The following ABCB6 variants were observed in gnomAD, a reference collection of about 807,000 sequenced individuals.
The protein encoded by ABCB6 is ATP-binding cassette sub-family B member 6.
A neutral mutation model predicts 99.4 loss-of-function variants in ABCB6; 87 were observed. That is an observed-to-expected ratio of 0.88 (90% CI 0.74 to 1.05). The LOEUF (loss-of-function observed/expected upper bound fraction) is 1.05. ABCB6 is among the 50% of genes least tolerant of loss of function. ABCB6 has a pLI of 0.00. For missense variants in ABCB6, 1,050 were observed against 1,097.9 expected, an observed-to-expected ratio of 0.96 and a Z score of 0.62; for synonymous variants, 482 against 447.5, an observed-to-expected ratio of 1.08 and a Z score of -0.97.
Position 219,217,768 on chromosome 2 carries a change from CAG to C in ABCB6, c.587_588del (p.Ser196TrpfsTer24), listed in dbSNP as rs1950662043. 6.2e-7 allele frequency: 1 copy of C among 1,613,948 alleles called. No individual in the cohort carries two copies. The highest frequency in any genetic ancestry group is 1.7e-5 in the Admixed American group (1 of 59,984). On this transcript the variant is annotated frameshift_variant, in exon 2 of 19. Coordinates refer to ENST00000265316, the MANE Select transcript of ABCB6 (RefSeq NM_005689.4). LOFTEE classifies it high-confidence loss of function. ...CAGAGACCCAGGACAAACAGCCCTC[CAG>C]AGACCACATACCGCAGCACCCACAG... ...FSLWVLRYVVSGGLFVLGLWA... is the reference protein window; with the variant it reads ...FSLWVLRYVVXGGLFVLGLWA...
At chr2:219,215,856 A>T in intron 5 of ABCB6, 141 bp downstream of exon 5, 1 of 874,148 alleles carries the variant, frequency 1.1e-6, no homozygotes, top group Non-Finnish European at 1.6e-6. Context: ...GAGAGCATGT[A>T]TACAATAATC....
At position 219,218,759 on chromosome 2, in the gene ABCB6, G is replaced by A; in HGVS notation, c.-86C>T. On this transcript the variant is annotated 5_prime_UTR_variant, in exon 1 of 19. Coordinates refer to ENST00000265316, the MANE Select transcript of ABCB6 (RefSeq NM_005689.4). ...CACTCGGAGAGGGGCGCGGACATCCGGGTGCCTTGGCTCACGTAGCCGCTG... is the reference window on the plus strand; with the variant it reads ...CACTCGGAGAGGGGCGCGGACATCCAGGTGCCTTGGCTCACGTAGCCGCTG... 2 of 1,403,974 alleles carry A rather than the reference G, an allele frequency of 1.4e-6. No homozygotes were observed. Among genetic ancestry groups the A allele is most frequent in the Non-Finnish European group, 1.9e-6 (2 of 1,063,082 alleles). The allele number at this position is 1,403,974 out of a possible 1,614,324, so 87.0% of individuals were successfully genotyped here.
In ABCB6 at chr2:219,216,268, T is replaced by A. The variant is rs555580172; in HGVS notation, c.971-88A>T. 3 of 1,581,098 alleles carry A rather than the reference T, an allele frequency of 1.9e-6. No homozygotes were observed. The highest frequency in any genetic ancestry group is 4.5e-5 in the East Asian group (2 of 44,050). On this transcript the variant is annotated intron_variant, in intron 4 of 18. Transcript: ENST00000265316. This position sits in a 1 kb window ranked among gnomAD's most constrained non-coding sequence, Gnocchi z 4.2. Reference sequence around the variant, plus strand: ...AGGATGTGAAAGGTCTGAGAGTACATGGGGGCTGGGGAGGAATGCTGGGAG... The same window carrying A: ...AGGATGTGAAAGGTCTGAGAGTACAAGGGGGCTGGGGAGGAATGCTGGGAG...
chr2:219,215,961 C>T, intron 5 of ABCB6, 36 bp downstream of exon 5: 1 of 1,510,504 alleles, frequency 6.6e-7, no homozygotes, highest in South Asian at 1.3e-5. Context: ...TTCTCCGGCT[C>T]CACCCTCCCA....
intron 5 of ABCB6, chr2:219,215,302 G>C (rs755832233): frequency 5.6e-5 from 30 of 539,210 alleles, no homozygotes; most frequent in Non-Finnish European, 8.9e-5. Flanking sequence ...AGGCATGGAA[G>C]AAAAATATAT....
At position 219,216,305 on chromosome 2, in the gene ABCB6, G is replaced by A. The variant is rs1260156487; in HGVS notation, c.970+59C>T. 2.5e-6 allele frequency: 4 copies of A among 1,591,438 alleles called. No individual in the cohort carries two copies. Among genetic ancestry groups the A allele is most frequent in the Non-Finnish European group, 3.4e-6 (4 of 1,160,648 alleles). The stretch of plus-strand genomic sequence containing the variant: ...AGGAATGCTGGGAGAGGCGGATGCT[G>A]AGGGAATGCCTGTGGGAGGGACCTA... On this transcript the variant is annotated intron_variant, in intron 4 of 18. Transcript: ENST00000265316. The surrounding 1 kb of genome is among the most constrained non-coding windows in gnomAD (Gnocchi z 4.2).
rs1950597266 is a variant in ABCB6, at chr2:219,213,021, T to G, written c.1850A>C (p.Gln617Pro). Residue 617 changes from glutamine (Q) to proline (P), a missense_variant, in exon 13 of 19, where the codon CAG becomes CCG. Physicochemically the swap from Gln to Pro is moderately conservative, Grantham distance 76. Coordinates refer to ENST00000265316, the MANE Select transcript of ABCB6 (RefSeq NM_005689.4). ...QDVSFTVMPG[Q>P]TLALVGPSGA... ...GTCTCCTCTCACCAGGGCAAGTGTC[T>G]GTCCAGGCATCACAGTGAAAGACAC... 1 of 1,613,936 alleles carries G rather than the reference T, an allele frequency of 6.2e-7. No individual in the cohort carries two copies. Among genetic ancestry groups the G allele is most frequent in the African/African-American group, 1.3e-5 (1 of 74,922 alleles).
Position 219,213,375 on chromosome 2 carries a change from C to G in ABCB6, c.1720-49G>C. 3 of 1,613,774 alleles carry G rather than the reference C, an allele frequency of 1.9e-6. No individual in the cohort carries two copies. The South Asian group carries it at 3.3e-5, about 18-fold the overall frequency. On this transcript the variant is annotated intron_variant, in intron 11 of 18. Transcript: ENST00000265316. ...GCTGAGGTTCTCAGCTTTGTGTTTT[C>G]CAAGCACGAGAAACACCACACAGCT...
In ABCB6 at chr2:219,213,953, T is replaced by C. The variant is rs375304697; in HGVS notation, c.1453-2A>G. On this transcript the variant is annotated splice_acceptor_variant, in intron 8 of 18. Coordinates refer to ENST00000265316, the MANE Select transcript of ABCB6 (RefSeq NM_005689.4). LOFTEE classifies it high-confidence loss of function. ...AGCGCTCGACTTCCACTCCAAACCC[T>C]GAGGGCAATAACACAGGAAGAGGAA... 9.9e-6 allele frequency: 16 copies of C among 1,613,836 alleles called. No homozygotes were observed. Among genetic ancestry groups the C allele is most frequent in the African/African-American group, 1.3e-5 (1 of 74,894 alleles).
intron 5 of ABCB6, chr2:219,215,328 T>C (rs1950626568): frequency 2.2e-6 from 1 of 457,908 alleles, no homozygotes; most frequent in Non-Finnish European, 3.9e-6. Flanking sequence ...TAATGTTCTG[T>C]TAATAAGCAA....
At position 219,210,609 on chromosome 2, in the gene ABCB6, A is replaced by C. The variant is rs984206128; in HGVS notation, c.2256+102T>G. ...TGAGAACTGGAAAGTGTGTTTTGTG[A>C]GATTTGAATTCATGGTATCTGTTCT... On this transcript the variant is annotated intron_variant, in intron 16 of 18. Coordinates refer to ENST00000265316, the MANE Select transcript of ABCB6 (RefSeq NM_005689.4). The C allele has an allele frequency of 4.4e-6, 7 of 1,595,276 alleles. No homozygotes were observed. In the African/African-American group the frequency reaches 9.4e-5, roughly 21 times the overall value.
chr2:219,213,594 A>C lies in ABCB6; in HGVS notation c.1651T>G (p.Tyr551Asp), dbSNP rs1290968004. Residue 551 changes from tyrosine (Y) to aspartate (D), a missense_variant, in exon 10 of 19, where the codon TAC becomes GAC. Tyr to Asp is a radical substitution (Grantham distance 160, BLOSUM62 -3). Transcript: ENST00000265316. The stretch of plus-strand genomic sequence containing the variant: ...GAGGGCCAGGGCTCAGATTACCTGT[A>C]GTAGGTGCCAAACCAATTGAGGGGC... ...YMPLNWFGTY[Y>D]RMIQTNFIDM... 3 of 1,614,180 alleles carry C rather than the reference A, an allele frequency of 1.9e-6. No homozygotes were observed. The highest frequency in any genetic ancestry group is 1.3e-5 in the African/African-American group (1 of 75,064).
At position 219,217,721 on chromosome 2, in the gene ABCB6, C is replaced by T. The variant is rs1274852238; in HGVS notation, c.636G>A (p.Gln212=). 6.2e-7 allele frequency: 1 copy of T among 1,614,040 alleles called. No individual in the cohort carries two copies. Among genetic ancestry groups the T allele is most frequent in the Admixed American group, 1.7e-5 (1 of 60,018 alleles). ...CTTCATGAACCTGCAATGTATAGGA[C>T]TGGGGACGAAGTCCAGGGGCCCAGA... ...LGLWAPGLRP[Q]SYTLQVHEED... The change falls in exon 2 of 19, where the codon CAG becomes CAA. Residue 212 remains glutamine, a synonymous_variant. Coordinates refer to ENST00000265316, the MANE Select transcript of ABCB6 (RefSeq NM_005689.4).
chr2:219,212,488 C>CACCTGTT lies in ABCB6; in HGVS notation c.1866_1867insAACAGGT (p.Gly623AsnfsTer57), dbSNP rs775637248. ...GTGCTCTTCCCTGCCCCAGATGGGC[C>CACCTGTT]CACCTGTTGCATTGGAAATGGGAAA... is the stretch of plus-strand genomic sequence containing the variant. On this transcript the variant is annotated frameshift_variant, in exon 14 of 19. Transcript: ENST00000265316. LOFTEE classifies it high-confidence loss of function. The CACCTGTT allele has an allele frequency of 5.3e-5, 85 of 1,613,334 alleles. No homozygotes were observed. Among genetic ancestry groups the CACCTGTT allele is most frequent in the Middle Eastern group, 1.7e-4 (1 of 6,056 alleles).
chr2:219,213,279 A>G lies in ABCB6; in HGVS notation c.1767T>C (p.Arg589=). ...TGAAGTGCACGTTCTCAAACTCAATACGGCCCTTCTGAAAGCGAAGGGGCC... is the reference window on the plus strand; with the variant it reads ...TGAAGTGCACGTTCTCAAACTCAATGCGGCCCTTCTGAAAGCGAAGGGGCC... ...GAGPLRFQKG[R]IEFENVHFSY... is the part of the protein sequence containing the mutation. The change falls in exon 12 of 19, where the codon CGT becomes CGC. Residue 589 remains arginine (R), a synonymous_variant. Coordinates refer to ENST00000265316, the MANE Select transcript of ABCB6 (RefSeq NM_005689.4). 4.3e-6 allele frequency: 7 copies of G among 1,614,082 alleles called. No individual in the cohort carries two copies. The highest frequency in any genetic ancestry group is 5.9e-6 in the Non-Finnish European group (7 of 1,180,012).
chr2:219,215,900 A>G, intron 5 of ABCB6, 97 bp downstream of exon 5: 1 of 1,312,162 alleles, frequency 7.6e-7, no homozygotes, highest in Non-Finnish European at 1.0e-6. Context: ...TGGGAGCGGC[A>G]GCTTCTCAGG....
Position 219,216,120 on chromosome 2 carries a change from C to T in ABCB6, c.1031G>A (p.Arg344Gln), listed in dbSNP as rs756421484. 1.4e-5 allele frequency: 22 copies of T among 1,596,582 alleles called. No individual in the cohort carries two copies. The highest frequency in any genetic ancestry group is 6.8e-5 in the East Asian group (3 of 44,074). The change falls in exon 5 of 19, where the codon CGG (arginine) becomes CAG (glutamine). Residue 344 changes from arginine (R) to glutamine (Q), a missense_variant. By Grantham distance (43) the Arg-to-Gln change is conservative. Transcript: ENST00000265316. This position sits in a 1 kb window ranked among gnomAD's most constrained non-coding sequence, Gnocchi z 4.2. Reference protein sequence around the residue: ...WIRVQQFTSRRVELLIFSHLH... With the variant: ...WIRVQQFTSRQVELLIFSHLH... Reference sequence around the variant, plus strand: ...GTGGGAGAAGATGAGCAGCTCCACCCGCCGAGACGTGAACTGCTGCACCCG... The same window carrying T: ...GTGGGAGAAGATGAGCAGCTCCACCTGCCGAGACGTGAACTGCTGCACCCG...
chr2:219,210,295 G>A lies in ABCB6; in HGVS notation c.2355C>T (p.Leu785=). The A allele has an allele frequency of 6.2e-7, 1 of 1,614,234 alleles. No homozygotes were observed. Residue 785 remains leucine, a synonymous_variant, in exon 18 of 19, where the codon CTC becomes CTT. Transcript: ENST00000265316. The part of the protein sequence containing the change: ...NRTTIVVAHR[L]STVVNADQIL... ...TCTGGTCAGCATTGACCACAGTTGA[G>A]AGCCTGAGAAGTCAAAGATCAGTCG...
rs1950566109 is a variant in ABCB6, at chr2:219,210,719, G to C, written c.2248C>G (p.Leu750Val). The change falls in exon 16 of 19, where the codon CTG (leucine) becomes GTG (valine). Residue 750 changes from leucine (L) to valine (V), a missense_variant. Physicochemically the swap from Leu to Val is conservative, Grantham distance 32. Coordinates refer to ENST00000265316, the MANE Select transcript of ABCB6 (RefSeq NM_005689.4). ...TILKAPGIIL[L>V]DEATSALDTS... ...GGAGACCCAGGGCGCACCTCATCCA[G>C]CAGAATGATGCCCGGAGCCTTGAGG... 2.5e-6 allele frequency: 4 copies of C among 1,613,610 alleles called. No homozygotes were observed. The highest frequency in any genetic ancestry group is 3.4e-6 in the Non-Finnish European group (4 of 1,179,964).
Sources: allele counts gnomAD v4.1 joint callset, GRCh38; gene constraint gnomAD v4.1.1; non-coding constraint Gnocchi (gnomAD v3.1); transcripts MANE v1.5; gene names NCBI Gene and HGNC (gene_info 2026-07-23, HGNC 2026-07-21).